Variants in CLN8 observed in about 807,000 individuals in gnomAD.
CLN8 encodes CLN8 transmembrane ER and ERGIC protein.
Under a neutral mutation model 15.7 loss-of-function variants are expected in CLN8, and 14 were observed. The observed-to-expected ratio is 0.89, with a 90% CI of 0.59 to 1.39. The LOEUF is 1.39. CLN8 is among the 40% of genes most tolerant of loss of function. The probability of loss-of-function intolerance (pLI) is 0.00; values close to 1 mark genes in which losing one functional copy is unlikely to be tolerated. For synonymous variants in CLN8, 188 were observed against 151.0 expected (o/e 1.25, Z -1.80); for missense variants, 415 against 364.0 (o/e 1.14, Z -1.14).
intron 2 of CLN8, among the ~76,000 whole-genome samples, chr8:1,775,146 T>TA (rs1224787546): frequency 2.6e-5 from 4 of 152,010 alleles, no homozygotes; most frequent in African/African-American, 9.7e-5. Context: ...AATATAACAA[T>TA]AAAAAATATA....
intron 1 of CLN8, chr8:1,765,260 G>T (rs1200073512): frequency 6.6e-6 from 1 of 152,276 alleles, no homozygotes; most frequent in Non-Finnish European, 1.5e-5. Flanking sequence ...CCGTGTTGCA[G>T]AGGAGGATTA....
At position 1,781,294 on chromosome 8, in the gene CLN8, G is replaced by A. The variant is rs1801706065; in HGVS notation, c.*727G>A. ...AATTGCCTGAACCCGGGAGGCGGAG[G>A]TTGCAGTGAGCTGAGATCGCACCAC... On this transcript the variant is annotated 3_prime_UTR_variant, in exon 3 of 3. Transcript: ENST00000331222. 6.6e-6 allele frequency: 1 copy of A among 151,160 alleles called. No individual in the cohort carries two copies. 9.4% of individuals were successfully genotyped at this position (151,160 alleles called of 1,614,324 possible).
intron 1 of CLN8, among the ~76,000 whole-genome samples, chr8:1,770,670 A>G (rs1162466477): frequency 6.6e-6 from 1 of 152,170 alleles, no homozygotes; most frequent in Non-Finnish European, 1.5e-5. Context: ...TGGGGTGCAC[A>G]TAGGACGAGC....
chr8:1,765,025 C>T (rs1412440206), intron 1 of CLN8: 1 of 152,242 alleles, frequency 6.6e-6, no homozygotes, highest in African/African-American at 2.4e-5. Context: ...GAGATGGCCA[C>T]AGCTCCCCAC....
upstream of CLN8, chr8:1,759,584 G>C (rs1044132939): frequency 6.6e-6 from 1 of 152,220 alleles, no homozygotes; most frequent in African/African-American, 2.4e-5. Context: ...GGACGAAAGG[G>C]GACAGGGGTC....
chr8:1,757,138 T>C (rs1800689775), intron 1 of CLN8, among the ~76,000 whole-genome samples: 2 of 152,212 alleles, frequency 1.3e-5, no homozygotes, highest in Admixed American at 6.5e-5. Context: ...GTTTTAGTTT[T>C]TAAGCGGAGG....
At chr8:1,775,686 G>A (rs983030629) in intron 2 of CLN8, among the ~76,000 whole-genome samples, 15 of 152,342 alleles carry the variant, frequency 9.8e-5, no homozygotes, top group African/African-American at 3.4e-4. Flanking sequence ...CTGAGCTCGC[G>A]AGAGTCTGGG....
intron 1 of CLN8, among the ~76,000 whole-genome samples, chr8:1,766,547 G>T (rs1022091643): frequency 6.6e-6 from 1 of 151,902 alleles, no homozygotes; most frequent in African/African-American, 2.4e-5. Context: ...TCGCCATCAC[G>T]CCTGGCTATT....
chr8:1,778,095 C>T (rs1439935635), intron 2 of CLN8, among the ~76,000 whole-genome samples: 1 of 152,182 alleles, frequency 6.6e-6, no homozygotes, highest in Non-Finnish European at 1.5e-5. Context: ...GAAAACTTGC[C>T]TGTGCCAAAG....
chr8:1,754,482 A>C (rs1800622102), upstream of CLN8, among the ~76,000 whole-genome samples: 1 of 152,156 alleles, frequency 6.6e-6, no homozygotes, highest in South Asian at 2.1e-4. Context: ...TTTGGTCTCA[A>C]CATGTCTATC....
rs370711548 is a variant in CLN8, at chr8:1,771,015, G to A, written c.-40G>A. ...CAAGACACAGTGTAGGGCCCGGCCCGTGTTGGCCCCAGGACTCCTTTGGAA... is the reference window on the plus strand; with the variant it reads ...CAAGACACAGTGTAGGGCCCGGCCCATGTTGGCCCCAGGACTCCTTTGGAA... On this transcript the variant is annotated 5_prime_UTR_variant, in exon 2 of 3. It adds an upstream start codon to the 5' untranslated region. Coordinates refer to ENST00000331222, the MANE Select transcript of CLN8 (RefSeq NM_018941.4). The A allele has an allele frequency of 5.6e-5, 90 of 1,605,780 alleles. No homozygotes were observed. The highest frequency in any genetic ancestry group is 4.9e-4 in the Middle Eastern group (3 of 6,070).
At position 1,783,409 on chromosome 8, in the gene CLN8, G is replaced by C. The variant is rs766889530; in HGVS notation, c.*2842G>C. 6.6e-6 allele frequency: 1 copy of C among 152,234 alleles called. No individual in the cohort carries two copies. Among genetic ancestry groups the C allele is most frequent in the South Asian group, 2.1e-4 (1 of 4,836 alleles). 9.4% of individuals were successfully genotyped at this position (152,234 alleles called of 1,614,324 possible). A position where few individuals can be genotyped will look rare whatever the true frequency, so the allele number is the denominator to read the frequency against. Reference sequence around the variant, plus strand: ...AACTCCACCTGATGGCAGGTGACCCGGATAGAAAATGGCCCTGCGTTTAGC... The same window carrying C: ...AACTCCACCTGATGGCAGGTGACCCCGATAGAAAATGGCCCTGCGTTTAGC... On this transcript the variant is annotated 3_prime_UTR_variant, in exon 3 of 3. Transcript: ENST00000331222.
intron 2 of CLN8, among the ~76,000 whole-genome samples, chr8:1,772,726 C>T (rs1332938219): frequency 6.6e-6 from 1 of 151,896 alleles, no homozygotes; most frequent in Non-Finnish European, 1.5e-5. Flanking sequence ...GTGATCTCCC[C>T]GCCTTGGCCT....
In CLN8 at chr8:1,757,216, G is replaced by A. The variant is rs140579110; in HGVS notation, c.-124+1134G>A. On this transcript the variant is annotated intron_variant, in intron 1 of 1. Coordinates refer to the CLN8 transcript ENST00000524258. ...TTGATGTTGGGGCTGGGCCATTGCC[G>A]TGGGGCTGCCCTGGGCATTGTCGGA... 2.4e-3 allele frequency among the ~76,000 whole-genome samples: 373 copies of A among 152,300 alleles called. 1 individual carries two copies. The highest frequency in any genetic ancestry group is 4.0e-3 in the Non-Finnish European group (271 of 68,042).
intron 2 of CLN8, chr8:1,772,850 T>G: frequency 2.5e-6 from 1 of 398,062 alleles, no homozygotes; most frequent in Admixed American, 4.4e-5. Context: ...ATATTTGATA[T>G]GAAATTTGAG....
Position 1,771,540 on chromosome 8 carries a change from C to T in CLN8, c.486C>T (p.Thr162=), listed in dbSNP as rs768531216. 6.2e-7 allele frequency: 1 copy of T among 1,614,170 alleles called. No homozygotes were observed. Among genetic ancestry groups the T allele is most frequent in the Non-Finnish European group, 8.5e-7 (1 of 1,180,040 alleles). The part of the protein sequence containing the change: ...NLQAGHYLAM[T]TLLLEMSTPF... Reference sequence around the variant, plus strand: ...AAGCTGGCCACTATCTAGCTATGACCACGTTGCTCCTGGAGATGAGCACGC... The same window carrying T: ...AAGCTGGCCACTATCTAGCTATGACTACGTTGCTCCTGGAGATGAGCACGC... Residue 162 remains threonine (T), a synonymous_variant, in exon 2 of 3, where the codon ACC becomes ACT. Coordinates refer to ENST00000331222, the MANE Select transcript of CLN8 (RefSeq NM_018941.4).
In CLN8 at chr8:1,780,824, T is replaced by G; in HGVS notation, c.*257T>G. On this transcript the variant is annotated 3_prime_UTR_variant, in exon 3 of 3. Coordinates refer to ENST00000331222, the MANE Select transcript of CLN8 (RefSeq NM_018941.4). The stretch of plus-strand genomic sequence containing the variant: ...CCGTGTCAAGCATCTAGGAGAGGAG[T>G]CCATGGTGTCCAGGCATCGGGGCGT... 1.3e-5 allele frequency: 7 copies of G among 544,200 alleles called. No individual in the cohort carries two copies. The highest frequency in any genetic ancestry group is 3.1e-5 in the East Asian group (1 of 32,166). 33.7% of individuals were successfully genotyped at this position (544,200 alleles called of 1,614,324 possible).
chr8:1,779,392 G>A (rs894738792), intron 2 of CLN8, among the ~76,000 whole-genome samples: 2 of 152,140 alleles, frequency 1.3e-5, no homozygotes, highest in Non-Finnish European at 2.9e-5. Context: ...TACATGGTGC[G>A]CCACCATGCC....
At chr8:1,759,655 G>A (rs1391536783), upstream of CLN8, 1 of 152,232 alleles carries the variant, frequency 6.6e-6, no homozygotes, top group Non-Finnish European at 1.5e-5. Flanking sequence ...TAGAGTCTTT[G>A]CCACATTGAG....
Sources: allele counts gnomAD v4.1 joint callset (sites outside exome capture counted in the v4.1 genomes callset), GRCh38; gene constraint gnomAD v4.1.1; transcripts MANE v1.5; gene names NCBI Gene and HGNC (gene_info 2026-07-23, HGNC 2026-07-21).